SH3BP4: variants seen among roughly 807,000 people sequenced by gnomAD.
SH3BP4 encodes the protein SH3 domain-binding protein 4.
Under a neutral mutation model 65.5 loss-of-function variants are expected in SH3BP4, and 33 were observed. The ratio of observed to expected loss-of-function variants is 0.50; its 90% CI spans 0.38 to 0.67. The LOEUF (loss-of-function observed/expected upper bound fraction) is 0.67, where lower values mean the gene tolerates loss of function less well. Ranked by LOEUF, SH3BP4 falls within the 30% of genes least tolerant of loss-of-function variation. The pLI, the probability that SH3BP4 is intolerant of heterozygous loss-of-function variation, is 0.00. For synonymous variants in SH3BP4, 552 were observed against 545.5 expected (o/e 1.01, Z -0.17); for missense variants, 1,134 against 1,261.4 (o/e 0.90, Z 1.53).
chr2:235,002,331 T>G (rs1694129241), intron 2 of SH3BP4, among the ~76,000 whole-genome samples: 1 of 152,240 alleles, frequency 6.6e-6, no homozygotes, highest in South Asian at 2.1e-4. Flanking sequence ...GTCTTGGGTT[T>G]GTTATGTTGC....
At chr2:234,988,419 A>G (rs1015535643) in intron 1 of SH3BP4, among the ~76,000 whole-genome samples, 1 of 152,170 alleles carries the variant, frequency 6.6e-6, no homozygotes, top group African/African-American at 2.4e-5. Context: ...TTTCACTTGA[A>G]TTGCCAAGGG....
rs1693741951 is a variant in SH3BP4 at position 234,991,335 on chromosome 2, CTGTCAACCAT to C, written c.-206-3964_-206-3955del. On this transcript the variant is annotated intron_variant, in intron 1 of 5. Coordinates refer to ENST00000392011, the MANE Select transcript of SH3BP4 (RefSeq NM_014521.3). The surrounding 1 kb of genome is among the most constrained non-coding windows in gnomAD (Gnocchi z 4.2). ...TCTGCAGATTTGTCATCAGCTGAGA[CTGTCAACCAT>C]TGTTAAAACAGCTACTCAGATGGAC... Among the ~76,000 whole-genome samples, 2 of 152,200 alleles carry C rather than the reference CTGTCAACCAT, an allele frequency of 1.3e-5. No individual in the cohort carries two copies. Among genetic ancestry groups the C allele is most frequent in the African/African-American group, 4.8e-5 (2 of 41,456 alleles).
chr2:234,962,172 T>C (rs1189390192), intron 1 of SH3BP4, among the ~76,000 whole-genome samples: 1 of 152,234 alleles, frequency 6.6e-6, no homozygotes, highest in African/African-American at 2.4e-5. Context: ...TGTCTCCCTC[T>C]CTCACCCAGA....
chr2:235,045,337 G>A lies in SH3BP4; in HGVS notation c.2478+2090G>A, dbSNP rs3731649. ...ACCACACCAGCTGTGGAAAATAACC[G>A]CCGAGTAGGTGGCTTTTACACTCAT... is the stretch of plus-strand genomic sequence containing the variant. On this transcript the variant is annotated intron_variant, in intron 4 of 5. Transcript: ENST00000392011. The surrounding 1 kb of genome is among the most constrained non-coding windows in gnomAD (Gnocchi z 4.3). Among the ~76,000 whole-genome samples the A allele has an allele frequency of 0.12, 17,510 of 152,200 alleles. 1,470 individuals carry two copies. Among genetic ancestry groups the A allele is most frequent in the South Asian group, 0.29 (1,376 of 4,818 alleles).
At chr2:234,979,254 C>A (rs3795963) in intron 1 of SH3BP4, among the ~76,000 whole-genome samples, 2 of 152,140 alleles carry the variant, frequency 1.3e-5, no homozygotes, top group African/African-American at 4.8e-5. Context: ...CCCTTTGCCC[C>A]TCCCAATCCC....
chr2:235,018,998 G>A (rs183274721), intron 2 of SH3BP4, among the ~76,000 whole-genome samples: 30 of 152,294 alleles, frequency 2.0e-4, no homozygotes, highest in East Asian at 7.7e-4. Context: ...GCCAAGTGAC[G>A]TTCTGGAGCA....
intron 2 of SH3BP4, among the ~76,000 whole-genome samples, chr2:234,998,984 A>G (rs1694015126): frequency 6.6e-6 from 1 of 152,202 alleles, no homozygotes; most frequent in Non-Finnish European, 1.5e-5. Flanking sequence ...AGGGCACTTG[A>G]GGCCATGCAG....
At chr2:235,018,836 A>G (rs1369931294) in intron 2 of SH3BP4, among the ~76,000 whole-genome samples, 1 of 152,234 alleles carries the variant, frequency 6.6e-6, no homozygotes, top group Non-Finnish European at 1.5e-5. Flanking sequence ...GCCAGGAAAT[A>G]GACAAGACCT....
At position 234,978,545 on chromosome 2, in the gene SH3BP4, T is replaced by TGCC. The variant is rs1439107464; in HGVS notation, c.-206-16755_-206-16753dup. 1.2e-4 allele frequency: 18 copies of TGCC among 152,524 alleles called. No homozygotes were observed. Among genetic ancestry groups the TGCC allele is most frequent in the African/African-American group, 3.6e-4 (15 of 41,452 alleles). The allele number at this position is 152,524 out of a possible 1,614,324, so 9.4% of individuals were successfully genotyped here. On this transcript the variant is annotated intron_variant, in intron 1 of 5. Coordinates refer to ENST00000392011, the MANE Select transcript of SH3BP4 (RefSeq NM_014521.3). This position sits in a 1 kb window ranked among gnomAD's most constrained non-coding sequence, Gnocchi z 4.1. ...GGCTGGGCTCCTTTCCTGCTGCAGG[T>TGCC]GCCGCGTCTCTTTCTTAAGCCTGTG...
chr2:234,993,689 A>T (rs1309165873), intron 1 of SH3BP4, among the ~76,000 whole-genome samples: 4 of 152,146 alleles, frequency 2.6e-5, no homozygotes. Flanking sequence ...TGAGATTTTC[A>T]ACTGTTCTGT....
At chr2:235,027,745 T>C (rs756664977) in intron 2 of SH3BP4, among the ~76,000 whole-genome samples, 7 of 152,234 alleles carry the variant, frequency 4.6e-5, no homozygotes. Context: ...GCTTTCCTTC[T>C]GCAGCGTTCA....
chr2:235,036,746 T>A (rs867708304), intron 3 of SH3BP4, among the ~76,000 whole-genome samples: 12 of 101,482 alleles, frequency 1.2e-4, no homozygotes, highest in South Asian at 6.0e-4. Context: ...TAAAAAATAA[T>A]AATAATAATA....
rs75160054 is a variant in SH3BP4, at chr2:235,008,043, G to A, written c.-133+12667G>A. ...GGAAAGGGAGAGTCGCAGCTGGGTG[G>A]CTTGGAGGTTTCAGAGCTGTCAGGA... On this transcript the variant is annotated intron_variant, in intron 2 of 5. Transcript: ENST00000392011. Among the ~76,000 whole-genome samples the A allele has an allele frequency of 1.3e-3, 203 of 152,314 alleles. 3 individuals are homozygous for A. In the East Asian group the frequency reaches 0.034, roughly 25 times the overall value.
chr2:235,013,834 C>T (rs1386320103), intron 2 of SH3BP4, among the ~76,000 whole-genome samples: 2 of 152,074 alleles, frequency 1.3e-5, no homozygotes, highest in Non-Finnish European at 2.9e-5. Flanking sequence ...ATGCCTTTGC[C>T]CAGGGTCACC....
chr2:235,049,949 G>C (rs1378774858), intron 4 of SH3BP4, among the ~76,000 whole-genome samples: 2 of 151,726 alleles, frequency 1.3e-5, no homozygotes, highest in Non-Finnish European at 1.5e-5. Context: ...ACCTGGGGTT[G>C]GGTGCCCAGA....
In SH3BP4 at chr2:235,023,317, C is replaced by T. The variant is rs539036300; in HGVS notation, c.-132-11554C>T. Among the ~76,000 whole-genome samples, 182 of 152,232 alleles carry T rather than the reference C, an allele frequency of 1.2e-3. 1 individual carries two copies. Among genetic ancestry groups the T allele is most frequent in the African/African-American group, 4.3e-3 (178 of 41,532 alleles). On this transcript the variant is annotated intron_variant, in intron 2 of 5. Transcript: ENST00000392011. Reference sequence around the variant, plus strand: ...CTCTCAGCACTTTGAGAGGCTGAGGCGGGTGGATCACCTGAGGTCAGGAGT... The same window carrying T: ...CTCTCAGCACTTTGAGAGGCTGAGGTGGGTGGATCACCTGAGGTCAGGAGT...
In SH3BP4 at chr2:234,967,192, A is replaced by C. The variant is rs976537117; in HGVS notation, c.-207+15022A>C. On this transcript the variant is annotated intron_variant, in intron 1 of 5. Transcript: ENST00000392011. This position sits in a 1 kb window ranked among gnomAD's most constrained non-coding sequence, Gnocchi z 4.6. ...CAGGAGTTAAGTCCAGGCTGTCTCA[A>C]CCATGATACTGTTCTCCCCTACACG... Among the ~76,000 whole-genome samples, 22 of 152,154 alleles carry C rather than the reference A, an allele frequency of 1.4e-4. No homozygotes were observed. The highest frequency in any genetic ancestry group is 5.1e-4 in the African/African-American group (21 of 41,428).
chr2:234,999,917 C>T (rs999290102), intron 2 of SH3BP4, among the ~76,000 whole-genome samples: 1 of 152,246 alleles, frequency 6.6e-6, no homozygotes, highest in East Asian at 1.9e-4. Flanking sequence ...CCAGTCAATG[C>T]GCAGCAGCCC....
intron 1 of SH3BP4, among the ~76,000 whole-genome samples, chr2:234,957,933 A>G (rs1007643893): frequency 1.3e-5 from 2 of 152,128 alleles, no homozygotes; most frequent in African/African-American, 2.4e-5. Context: ...GGCGGAGCCC[A>G]TCTTCCCCCC....
Sources: allele counts gnomAD v4.1 joint callset (sites outside exome capture counted in the v4.1 genomes callset), GRCh38; gene constraint gnomAD v4.1.1; non-coding constraint Gnocchi (gnomAD v3.1); transcripts MANE v1.5; gene names NCBI Gene and HGNC (gene_info 2026-07-23, HGNC 2026-07-21).